MRPS6: variants seen among roughly 807,000 people sequenced by gnomAD.
MRPS6 encodes the protein small ribosomal subunit protein bS6m.
Under a neutral mutation model 13.1 loss-of-function variants are expected in MRPS6, and 6 were observed. The ratio of observed to expected loss-of-function variants is 0.46; its 90% CI spans 0.25 to 0.91. The LOEUF is 0.91. MRPS6 is among the 40% of genes least tolerant of loss of function. MRPS6 has a pLI of 0.18. For synonymous variants in MRPS6, 61 were observed against 56.5 expected, an observed-to-expected ratio of 1.08 and a Z score of -0.36; for missense variants, 164 against 155.6, an observed-to-expected ratio of 1.05 and a Z score of -0.29.
At chr21:34,103,042 A>G in intron 1 of MRPS6, 1 of 999,992 alleles carries the variant, frequency 1.0e-6, no homozygotes, top group Non-Finnish European at 1.2e-6. Flanking sequence ...AACATAGCCT[A>G]GACTTCTGTA....
At chr21:34,073,893 C>A in intron 1 of MRPS6, 148 bp downstream of exon 1, 1 of 260,426 alleles carries the variant, frequency 3.8e-6, no homozygotes, top group South Asian at 1.3e-4. Flanking sequence ...CGGCGGGCGT[C>A]CGCGGGAAGG....
chr21:34,135,437 G>A (rs1298225076), intron 2 of MRPS6: 4 of 467,384 alleles, frequency 8.6e-6, no homozygotes, highest in South Asian at 6.6e-5. Flanking sequence ...GAAAATCAGC[G>A]GTTGGACTTG....
At chr21:34,100,204 G>A (rs118144043) in intron 1 of MRPS6, 11,062 of 1,000,170 alleles carry the variant, frequency 0.011, 63 homozygotes, top group Non-Finnish European at 0.012. Context: ...GTCTTACCAG[G>A]TGTTAATGGT....
At chr21:34,088,671 T>C (rs534364755) in intron 1 of MRPS6, among the ~76,000 whole-genome samples, 2 of 152,334 alleles carry the variant, frequency 1.3e-5, no homozygotes, top group Admixed American at 6.5e-5. Context: ...TTTAGACATA[T>C]AGATGTGAGG....
intron 1 of MRPS6, among the ~76,000 whole-genome samples, chr21:34,075,078 G>T (rs1189356093): frequency 6.6e-6 from 1 of 152,190 alleles, no homozygotes; most frequent in East Asian, 1.9e-4. Context: ...ATGTAACTCC[G>T]AAAGGATAGG....
chr21:34,131,265 C>A (rs1269973708), intron 2 of MRPS6, among the ~76,000 whole-genome samples: 1 of 152,142 alleles, frequency 6.6e-6, no homozygotes, highest in Non-Finnish European at 1.5e-5. Flanking sequence ...AGTCCACGTG[C>A]GTTAGGACTT....
chr21:34,122,020 G>A (rs1980138058), intron 1 of MRPS6, among the ~76,000 whole-genome samples: 2 of 152,150 alleles, frequency 1.3e-5, no homozygotes, highest in Admixed American at 6.5e-5. Context: ...CCCTCTATAC[G>A]TCAGTCAGTG....
At chr21:34,106,838 T>G (rs544104398) in intron 1 of MRPS6, among the ~76,000 whole-genome samples, 11 of 152,328 alleles carry the variant, frequency 7.2e-5, no homozygotes, top group Middle Eastern at 3.4e-3. Context: ...TCCTCCCCTT[T>G]CAGAAGCCAG....
At chr21:34,105,644 C>T in intron 1 of MRPS6, 1 of 998,902 alleles carries the variant, frequency 1.0e-6, no homozygotes. Context: ...GCATTGTAGG[C>T]CAAATGTGAT....
chr21:34,099,088 C>G (rs1486232337), intron 1 of MRPS6: 1 of 999,502 alleles, frequency 1.0e-6, no homozygotes, highest in Non-Finnish European at 1.2e-6. Flanking sequence ...AGCATAGTGT[C>G]TTCCCATGAT....
chr21:34,091,294 A>G (rs1978675356), intron 1 of MRPS6, among the ~76,000 whole-genome samples: 1 of 152,190 alleles, frequency 6.6e-6, no homozygotes, highest in Admixed American at 6.5e-5. Context: ...TTATGACTTG[A>G]AGCCCTGAGT....
intron 1 of MRPS6, among the ~76,000 whole-genome samples, chr21:34,082,532 A>G (rs1487533474): frequency 9.9e-5 from 15 of 151,322 alleles, no homozygotes; most frequent in Non-Finnish European, 4.4e-5. Flanking sequence ...CCTAGAAAAT[A>G]TTTTTTTTTG....
At chr21:34,106,489 T>C (rs1414646971) in intron 1 of MRPS6, among the ~76,000 whole-genome samples, 1 of 152,226 alleles carries the variant, frequency 6.6e-6, no homozygotes, top group Non-Finnish European at 1.5e-5. Flanking sequence ...AATTAAAATA[T>C]TCTTAATTTT....
rs774830116 is a variant in MRPS6, at chr21:34,096,699, A to T, written c.45+22954A>T. The T allele has an allele frequency of 6.2e-7, 1 of 1,614,122 alleles. No individual in the cohort carries two copies. Among genetic ancestry groups the T allele is most frequent in the Non-Finnish European group, 8.5e-7 (1 of 1,179,998 alleles). On this transcript the variant is annotated intron_variant, in intron 1 of 2. Coordinates refer to ENST00000399312, the MANE Select transcript of MRPS6 (RefSeq NM_032476.4). The surrounding 1 kb of genome is among the most constrained non-coding windows in gnomAD (Gnocchi z 5.9). ...TGCCCCAGAATGTGACCAACCTGATAATAGGCCGGGCTTCATCAAAGACAT... is the reference window on the plus strand; with the variant it reads ...TGCCCCAGAATGTGACCAACCTGATTATAGGCCGGGCTTCATCAAAGACAT...
At chr21:34,098,156 T>C (rs1979059058) in intron 1 of MRPS6, 1 of 999,854 alleles carries the variant, frequency 1.0e-6, no homozygotes, top group Non-Finnish European at 1.2e-6. Context: ...CATATTAAGG[T>C]TGTTTATATA....
intron 1 of MRPS6, 35 bp from the exon 2 acceptor site, chr21:34,125,306 T>C: frequency 6.2e-7 from 1 of 1,603,878 alleles, no homozygotes. Flanking sequence ...TCTGATGCTT[T>C]TTTTTCTTTT....
intron 1 of MRPS6, chr21:34,101,827 A>C (rs546915845): frequency 1.0e-6 from 1 of 998,710 alleles, no homozygotes; most frequent in East Asian, 1.1e-4. Context: ...TGTGTTGGCT[A>C]ATAATAAAAG....
chr21:34,087,780 A>G (rs1450300024), intron 1 of MRPS6, among the ~76,000 whole-genome samples: 1 of 152,224 alleles, frequency 6.6e-6, no homozygotes, highest in East Asian at 1.9e-4. Flanking sequence ...AGAAGCATGG[A>G]GACAAGAGGC....
chr21:34,089,699 T>C (rs1978582233), intron 1 of MRPS6, among the ~76,000 whole-genome samples: 2 of 152,188 alleles, frequency 1.3e-5, no homozygotes, highest in African/African-American at 4.8e-5. Context: ...AGTAGAGCTG[T>C]TCTGGTGGTA....
Sources: allele counts gnomAD v4.1 joint callset (sites outside exome capture counted in the v4.1 genomes callset), GRCh38; gene constraint gnomAD v4.1.1; non-coding constraint Gnocchi (gnomAD v3.1); transcripts MANE v1.5; gene names NCBI Gene and HGNC (gene_info 2026-07-23, HGNC 2026-07-21).